The following WWOX variants were observed in gnomAD, a reference collection of about 807,000 sequenced individuals.
WWOX encodes WW domain-containing oxidoreductase.
WWOX carries 69 observed loss-of-function variants against 46.2 expected under a neutral mutation model. The observed-to-expected ratio is 1.49, with a 90% CI of 1.23 to 1.82. The LOEUF (loss-of-function observed/expected upper bound fraction) is 1.82, where lower values mean the gene tolerates loss of function less well. WWOX is among the 40% of genes most tolerant of loss of function. The pLI is 0.00. For missense variants in WWOX, 919 were observed against 542.6 expected (o/e 1.69, Z -6.89); for synonymous variants, 359 against 202.6 (o/e 1.77, Z -6.56).
intron 1 of WWOX, chr16:78,100,151 C>T (rs2031665881): frequency 3.8e-6 from 5 of 1,313,822 alleles, no homozygotes; most frequent in South Asian, 2.0e-5. Context: ...GCGGCGAGGG[C>T]AAAGCGGCCT....
At chr16:79,006,454 C>T (rs553621056) in intron 8 of WWOX, among the ~76,000 whole-genome samples, 1 of 151,740 alleles carries the variant, frequency 6.6e-6, no homozygotes, top group Non-Finnish European at 1.5e-5. Context: ...GGTTTCTAAG[C>T]TGTAGATAAC....
intron 8 of WWOX, among the ~76,000 whole-genome samples, chr16:78,519,769 C>T (rs2043310088): frequency 6.6e-6 from 1 of 152,132 alleles, no homozygotes; most frequent in Admixed American, 6.5e-5. Flanking sequence ...CAGGTGCCAT[C>T]TATGAGCCAG....
chr16:78,346,854 G>T (rs2081102328), intron 5 of WWOX, among the ~76,000 whole-genome samples: 1 of 119,108 alleles, frequency 8.4e-6, no homozygotes, highest in African/African-American at 2.9e-5. Flanking sequence ...ACAGAAGCCT[G>T]CTACCATGCC....
At chr16:78,588,683 G>C (rs551724152) in intron 8 of WWOX, among the ~76,000 whole-genome samples, 1 of 152,282 alleles carries the variant, frequency 6.6e-6, no homozygotes, top group African/African-American at 2.4e-5. Context: ...GGTGTCCTAG[G>C]TGCCTCTTAA....
At chr16:78,518,732 G>C (rs987122296) in intron 8 of WWOX, among the ~76,000 whole-genome samples, 3 of 152,172 alleles carry the variant, frequency 2.0e-5, no homozygotes, top group Non-Finnish European at 4.4e-5. Flanking sequence ...ACACAGAGAA[G>C]GTCCCAATGG....
intron 8 of WWOX, among the ~76,000 whole-genome samples, chr16:78,761,584 C>CT (rs1567542530): frequency 6.6e-6 from 1 of 152,032 alleles, no homozygotes; most frequent in Non-Finnish European, 1.5e-5. Context: ...CCTCAGGACT[C>CT]TCGCTGGTCT....
chr16:78,915,766 C>T (rs2045235862), intron 8 of WWOX, among the ~76,000 whole-genome samples: 1 of 152,194 alleles, frequency 6.6e-6, no homozygotes, highest in Admixed American at 6.5e-5. Context: ...ATTGGAATCA[C>T]TTCGAAAAGG....
chr16:78,958,349 T>C (rs1259265131), intron 8 of WWOX, among the ~76,000 whole-genome samples: 3 of 152,196 alleles, frequency 2.0e-5, no homozygotes, highest in African/African-American at 7.2e-5. Context: ...CTAGTGTAAC[T>C]AGACAAAAAA....
chr16:78,498,797 T>G (rs2084981439), intron 8 of WWOX, among the ~76,000 whole-genome samples: 1 of 152,170 alleles, frequency 6.6e-6, no homozygotes, highest in Non-Finnish European at 1.5e-5. Context: ...AACTCCTGGT[T>G]TCAAGTAGTC....
At chr16:79,020,105 A>C (rs773291900) in intron 8 of WWOX, among the ~76,000 whole-genome samples, 1 of 152,186 alleles carries the variant, frequency 6.6e-6, no homozygotes, top group Non-Finnish European at 1.5e-5. Flanking sequence ...ACAATTGATG[A>C]ACAACTACTA....
chr16:78,271,546 A>C (rs746556206), intron 5 of WWOX, among the ~76,000 whole-genome samples: 2 of 152,228 alleles, frequency 1.3e-5, no homozygotes, highest in Non-Finnish European at 2.9e-5. Context: ...CAGGGAGCCT[A>C]TGTAGTAATT....
chr16:78,392,750 G>T (rs1220691965), intron 6 of WWOX, among the ~76,000 whole-genome samples: 1 of 152,078 alleles, frequency 6.6e-6, no homozygotes, highest in East Asian at 1.9e-4. Context: ...TACTTCAGAG[G>T]CAGTGGTGTA....
chr16:79,083,169 C>A (rs566132203), intron 8 of WWOX, among the ~76,000 whole-genome samples: 1 of 152,134 alleles, frequency 6.6e-6, no homozygotes, highest in Non-Finnish European at 1.5e-5. Flanking sequence ...CCTAACACTG[C>A]GGTTCCCCTA....
intron 8 of WWOX, among the ~76,000 whole-genome samples, chr16:79,064,562 C>T (rs559673776): frequency 3.3e-5 from 5 of 152,302 alleles, no homozygotes; most frequent in African/African-American, 1.2e-4. Flanking sequence ...TCTGCGGATT[C>T]TCATGTGGCT....
chr16:79,091,228 C>G (rs1231154704), intron 8 of WWOX, among the ~76,000 whole-genome samples: 1 of 151,958 alleles, frequency 6.6e-6, no homozygotes, highest in South Asian at 2.1e-4. Flanking sequence ...ACAATGTGAA[C>G]AACAAAAGCA....
At chr16:78,496,625 T>C (rs554107266) in intron 8 of WWOX, among the ~76,000 whole-genome samples, 19 of 152,332 alleles carry the variant, frequency 1.2e-4, no homozygotes, top group African/African-American at 3.8e-4. Context: ...CATAAGATCT[T>C]GAAGGGAGGG....
At chr16:78,976,834 A>C (rs139136660) in intron 8 of WWOX, among the ~76,000 whole-genome samples, 2 of 152,222 alleles carry the variant, frequency 1.3e-5, no homozygotes, top group Non-Finnish European at 2.9e-5. Context: ...TGCCTGGTTC[A>C]GTTGCAAACA....
chr16:79,084,524 G>A (rs552884656), intron 8 of WWOX, among the ~76,000 whole-genome samples: 65 of 152,188 alleles, frequency 4.3e-4, no homozygotes, highest in African/African-American at 1.3e-3. Flanking sequence ...AGGTTCAGTC[G>A]ATTCTCCTGC....
chr16:78,711,020 C>G (rs917202062), intron 8 of WWOX, among the ~76,000 whole-genome samples: 4 of 152,116 alleles, frequency 2.6e-5, no homozygotes, highest in Admixed American at 2.0e-4. Flanking sequence ...TTGTCAAGGC[C>G]AGATTTCAGG....
Sources: allele counts gnomAD v4.1 joint callset (sites outside exome capture counted in the v4.1 genomes callset), GRCh38; gene constraint gnomAD v4.1.1; transcripts MANE v1.5; gene names NCBI Gene and HGNC (gene_info 2026-07-23, HGNC 2026-07-21).